The following MCF2L2 variants were observed in gnomAD, a reference collection of about 807,000 sequenced individuals.
MCF2L2 encodes probable guanine nucleotide exchange factor MCF2L2.
In MCF2L2, 102 loss-of-function variants were observed where a neutral mutation model predicts 150.2. The observed-to-expected ratio is 0.68, with a 90% CI of 0.58 to 0.80. The LOEUF (loss-of-function observed/expected upper bound fraction) is 0.80. Among genes scored for constraint, MCF2L2 ranks in the 30% least tolerant of loss-of-function variants. The probability of loss-of-function intolerance (pLI) is 0.00; values close to 1 mark genes in which losing one functional copy is unlikely to be tolerated. For synonymous variants in MCF2L2, 465 were observed against 491.3 expected (o/e 0.95, Z 0.71); for missense variants, 1,256 against 1,372.8 (o/e 0.91, Z 1.34).
chr3:183,258,132 T>G (rs1055206629), intron 15 of MCF2L2, among the ~76,000 whole-genome samples: 5 of 152,024 alleles, frequency 3.3e-5, no homozygotes, highest in African/African-American at 1.2e-4. Context: ...CACACCCAGC[T>G]AATTTTTGTG....
At chr3:183,241,545 T>C (rs917150951) in intron 15 of MCF2L2, among the ~76,000 whole-genome samples, 1 of 152,224 alleles carries the variant, frequency 6.6e-6, no homozygotes, top group African/African-American at 2.4e-5. Context: ...CTCTCTTGCC[T>C]GCCACCATGT....
At chr3:183,408,608 A>C (rs1715165983) in intron 1 of MCF2L2, among the ~76,000 whole-genome samples, 1 of 152,234 alleles carries the variant, frequency 6.6e-6, no homozygotes, top group Non-Finnish European at 1.5e-5. Flanking sequence ...GGGATTAAAG[A>C]GGAGAAACAG....
At chr3:183,382,563 C>T (rs1713595223) in intron 2 of MCF2L2, among the ~76,000 whole-genome samples, 1 of 152,100 alleles carries the variant, frequency 6.6e-6, no homozygotes, top group Admixed American at 6.6e-5. Context: ...TGTGGGGCAA[C>T]CTACAACATG....
chr3:183,269,702 G>C, intron 15 of MCF2L2: 1 of 1,106,950 alleles, frequency 9.0e-7, no homozygotes, highest in South Asian at 1.6e-5. Flanking sequence ...CATGTATTAA[G>C]ATGGACACCT....
At chr3:183,251,195 G>A (rs931539306) in intron 15 of MCF2L2, among the ~76,000 whole-genome samples, 1 of 152,228 alleles carries the variant, frequency 6.6e-6, no homozygotes, top group African/African-American at 2.4e-5. Flanking sequence ...GGCCTGTGAG[G>A]AAATCTGGTC....
Position 183,323,298 on chromosome 3 carries a change from T to C in MCF2L2, c.540A>G (p.Gln180=), listed in dbSNP as rs925456399. The C allele has an allele frequency of 4.3e-6, 7 of 1,613,926 alleles. No homozygotes were observed. The African/African-American group carries it at 6.7e-5, about 15-fold the overall frequency. The change falls in exon 6 of 30, where the codon CAA becomes CAG. Residue 180 remains glutamine, a synonymous_variant. Coordinates refer to ENST00000328913, the MANE Select transcript of MCF2L2 (RefSeq NM_015078.4). ...AAGTCCCCCCTAATTCCCGGGTCAGTTGGCTTTTGTCGATGTAGCCGTGAA... is the reference window on the plus strand; with the variant it reads ...AAGTCCCCCCTAATTCCCGGGTCAGCTGGCTTTTGTCGATGTAGCCGTGAA... The part of the protein sequence containing the change: ...SDLHGYIDKS[Q]LTRELGGTLE...
At chr3:183,185,287 G>A (rs1050155971) in intron 27 of MCF2L2, among the ~76,000 whole-genome samples, 3 of 152,246 alleles carry the variant, frequency 2.0e-5, no homozygotes, top group Admixed American at 2.0e-4. Flanking sequence ...ACTTGGGGGT[G>A]GGAAGTGGTG....
chr3:183,374,835 G>C (rs895507602), intron 3 of MCF2L2: 1 of 152,124 alleles, frequency 6.6e-6, no homozygotes, highest in African/African-American at 2.4e-5. Context: ...GCTCCCTTCT[G>C]TATCTATCTG....
chr3:183,255,877 G>C (rs557250661), intron 15 of MCF2L2, among the ~76,000 whole-genome samples: 1 of 151,900 alleles, frequency 6.6e-6, no homozygotes, highest in African/African-American at 2.4e-5. Context: ...AATAACTCAT[G>C]GGTTTTGAAA....
chr3:183,187,116 C>T (rs1324846766), intron 27 of MCF2L2, among the ~76,000 whole-genome samples: 1 of 152,032 alleles, frequency 6.6e-6, no homozygotes, highest in African/African-American at 2.4e-5. Context: ...TACTAGAGTG[C>T]CCCAATAAGT....
intron 15 of MCF2L2, among the ~76,000 whole-genome samples, chr3:183,253,046 G>A (rs367929477): frequency 4.6e-5 from 7 of 152,180 alleles, no homozygotes; most frequent in African/African-American, 1.4e-4. Flanking sequence ...GTAAGTGATC[G>A]CAATTAACTG....
chr3:183,202,000 T>C (rs1331958445), intron 25 of MCF2L2, among the ~76,000 whole-genome samples: 1 of 152,174 alleles, frequency 6.6e-6, no homozygotes, highest in Non-Finnish European at 1.5e-5. Context: ...CTTTTTAACT[T>C]GCCCTATTTC....
At chr3:183,355,756 G>A (rs1220439388) in intron 3 of MCF2L2, among the ~76,000 whole-genome samples, 5 of 150,898 alleles carry the variant, frequency 3.3e-5, no homozygotes, top group Admixed American at 1.3e-4. Context: ...GTGAGCCACC[G>A]CACCCGGCCA....
intron 5 of MCF2L2, among the ~76,000 whole-genome samples, chr3:183,337,898 T>C (rs7650078): frequency 0.017 from 2,546 of 152,340 alleles, 78 homozygotes; most frequent in African/African-American, 0.058. Context: ...ACCAGTGAAA[T>C]ATAAGAGTGC....
rs750356238 is a variant in MCF2L2, at chr3:183,216,063, A to G, written c.2402T>C (p.Phe801Ser). The G allele has an allele frequency of 1.2e-6, 2 of 1,613,856 alleles. No homozygotes were observed. ...CAAAGCTTGTTGTAGTTCAGTTGAGAATGCTGAATCTTTGGTTCTCTTTGG... is the reference window on the plus strand; with the variant it reads ...CAAAGCTTGTTGTAGTTCAGTTGAGGATGCTGAATCTTTGGTTCTCTTTGG... Reference protein sequence around the residue: ...DGPKRTKDSAFSTELQQALAV... With the variant: ...DGPKRTKDSASSTELQQALAV... The change falls in exon 22 of 30, where the codon TTC becomes TCC. Residue 801 changes from phenylalanine to serine, a missense_variant. Coordinates refer to ENST00000328913, the MANE Select transcript of MCF2L2 (RefSeq NM_015078.4).
At chr3:183,250,000 G>T (rs1724442390) in intron 15 of MCF2L2, among the ~76,000 whole-genome samples, 1 of 152,180 alleles carries the variant, frequency 6.6e-6, no homozygotes, top group Non-Finnish European at 1.5e-5. Context: ...TTTCAAAGTA[G>T]TTGGGAAAAC....
rs869078971 is a variant in MCF2L2 at position 183,314,907 on chromosome 3, CTTT to C, written c.754-3138_754-3136del. Among the ~76,000 whole-genome samples, 2 of 13,802 alleles carry C rather than the reference CTTT, an allele frequency of 1.4e-4. 1 individual carries two copies. Among genetic ancestry groups the C allele is most frequent in the African/African-American group, 4.8e-4 (2 of 4,178 alleles). 9.1% of individuals were successfully genotyped at this position (13,802 alleles called of 152,430 possible). On this transcript the variant is annotated intron_variant, in intron 7 of 29. Transcript: ENST00000328913. ...TAAACAGTATCTCTTTTTTTCTTTT[CTTT>C]TTTTTTTTTTTTTTTTTTTTTTTTT...
chr3:183,204,396 TA>T (rs1362250135), intron 25 of MCF2L2, among the ~76,000 whole-genome samples: 1 of 151,972 alleles, frequency 6.6e-6, no homozygotes, highest in African/African-American at 2.4e-5. Context: ...TCAACATCAC[TA>T]GCCATGAGGG....
intron 1 of MCF2L2, among the ~76,000 whole-genome samples, chr3:183,411,938 G>C (rs1715333236): frequency 6.6e-6 from 1 of 152,152 alleles, no homozygotes; most frequent in Admixed American, 6.6e-5. Flanking sequence ...TAACATGCTG[G>C]ACAATGCTAT....
Sources: allele counts gnomAD v4.1 joint callset (sites outside exome capture counted in the v4.1 genomes callset), GRCh38; gene constraint gnomAD v4.1.1; transcripts MANE v1.5; gene names NCBI Gene and HGNC (gene_info 2026-07-23, HGNC 2026-07-21).